Variants in PRTG observed in about 807,000 individuals in gnomAD.
The protein encoded by PRTG is protogenin, also known as immunoglobulin superfamily, DCC subclass, member 5.
A neutral mutation model predicts 122.5 loss-of-function variants in PRTG; 67 were observed. That is an observed-to-expected ratio of 0.55 (90% CI 0.45 to 0.67). The LOEUF is 0.67. Among genes scored for constraint, PRTG ranks in the 30% least tolerant of loss-of-function variants. The probability of loss-of-function intolerance (pLI) is 0.00; values close to 1 mark genes in which losing one functional copy is unlikely to be tolerated. For synonymous variants in PRTG, 554 were observed against 501.1 expected, an observed-to-expected ratio of 1.11 and a Z score of -1.41; for missense variants, 1,435 against 1,415.4, an observed-to-expected ratio of 1.01 and a Z score of -0.22.
intron 2 of PRTG, among the ~76,000 whole-genome samples, chr15:55,712,236 G>T (rs896540993): frequency 6.6e-6 from 1 of 152,216 alleles, no homozygotes; most frequent in Non-Finnish European, 1.5e-5. Flanking sequence ...GAGGGTTAAT[G>T]AATCAATTGC....
chr15:55,621,617 G>C (rs181339359), intron 18 of PRTG, among the ~76,000 whole-genome samples: 1 of 152,066 alleles, frequency 6.6e-6, no homozygotes, highest in Admixed American at 6.5e-5. Context: ...CTCCAGCCTG[G>C]GTAACATAGC....
At chr15:55,631,921 A>G (rs1036260854) in intron 15 of PRTG, among the ~76,000 whole-genome samples, 20 of 152,220 alleles carry the variant, frequency 1.3e-4, no homozygotes, top group Admixed American at 1.2e-3. Context: ...TGGAAGACAG[A>G]AAACTTTTTT....
chr15:55,727,723 C>A (rs563754008), intron 2 of PRTG, among the ~76,000 whole-genome samples: 1 of 152,032 alleles, frequency 6.6e-6, no homozygotes, highest in Non-Finnish European at 1.5e-5. Context: ...TTGAACCCAG[C>A]GGGCAGTGGT....
At chr15:55,687,792 A>C (rs1355135116) in intron 2 of PRTG, among the ~76,000 whole-genome samples, 1 of 152,240 alleles carries the variant, frequency 6.6e-6, no homozygotes, top group East Asian at 1.9e-4. Context: ...AATTCAATCC[A>C]CTGGCAAAAT....
chr15:55,708,056 C>T (rs1595667232), intron 2 of PRTG, among the ~76,000 whole-genome samples: 2 of 145,980 alleles, frequency 1.4e-5, no homozygotes, highest in South Asian at 4.3e-4. Context: ...ATGGACACTC[C>T]TTTACATGTT....
In PRTG at chr15:55,742,818, G is replaced by A. The variant is rs1300364884; in HGVS notation, c.94+20C>T. The A allele has an allele frequency of 3.9e-6, 6 of 1,540,730 alleles. No homozygotes were observed. The African/African-American group carries it at 4.2e-5, about 11-fold the overall frequency. On this transcript the variant is annotated intron_variant, in intron 1 of 19. Coordinates refer to ENST00000389286, the MANE Select transcript of PRTG (RefSeq NM_173814.6). ...TCCCGCCCCACAGCGGTAAGAGAAAGCAGAAGAAAGCGCGCCCACCTGGCA... is the reference window on the plus strand; with the variant it reads ...TCCCGCCCCACAGCGGTAAGAGAAAACAGAAGAAAGCGCGCCCACCTGGCA...
intron 2 of PRTG, among the ~76,000 whole-genome samples, chr15:55,685,678 T>G (rs977873227): frequency 1.3e-5 from 2 of 152,222 alleles, no homozygotes; most frequent in Admixed American, 1.3e-4. Flanking sequence ...ATGTGATGCA[T>G]AAATGTTTTC....
intron 2 of PRTG, among the ~76,000 whole-genome samples, chr15:55,688,689 C>T (rs886949018): frequency 3.3e-5 from 5 of 152,132 alleles, no homozygotes; most frequent in Admixed American, 3.3e-4. Context: ...CAAAAATTAG[C>T]TGGGCGTTGT....
chr15:55,675,669 C>T lies in PRTG; in HGVS notation c.1396G>A (p.Glu466Lys), dbSNP rs2059498736. The T allele has an allele frequency of 3.2e-6, 5 of 1,564,542 alleles. No homozygotes were observed. The highest frequency in any genetic ancestry group is 3.5e-6 in the Non-Finnish European group (4 of 1,140,196). The change falls in exon 9 of 20, where the codon GAG (glutamate) becomes AAG (lysine). Residue 466 changes from glutamate to lysine, a missense_variant. By Grantham distance (56) the Glu-to-Lys change is moderately conservative. Transcript: ENST00000389286. ...TCATTTCCGATGACTACTTGATACT[C>T]TTCATTATTTAAACCTAAATTAAAG... ...YMKAEGLNNE[E>K]YQVVIGNDTT...
rs575306346 is a variant in PRTG, at chr15:55,682,466, T to A, written c.574A>T (p.Ile192Phe). Residue 192 changes from isoleucine (I) to phenylalanine (F), a missense_variant, in exon 4 of 20, where the codon ATC becomes TTC. Coordinates refer to ENST00000389286, the MANE Select transcript of PRTG (RefSeq NM_173814.6). ...ITALPTGVLQ[I>F]YDVSQRDSGN... is the part of the protein sequence containing the mutation. ...GAATCCCTTTGGCTGACATCATAGA[T>A]CTGCAATACTCCTGTTGGTAGGGCA... 6.3e-7 allele frequency: 1 copy of A among 1,584,378 alleles called. No individual in the cohort carries two copies. The highest frequency in any genetic ancestry group is 1.4e-5 in the African/African-American group (1 of 73,946).
At chr15:55,699,299 T>G (rs902592873) in intron 2 of PRTG, among the ~76,000 whole-genome samples, 6 of 152,134 alleles carry the variant, frequency 3.9e-5, no homozygotes, top group Admixed American at 2.0e-4. Flanking sequence ...TCCCCCACCT[T>G]TCCACCTTCT....
chr15:55,680,157 C>A lies in PRTG; in HGVS notation c.870G>T (p.Met290Ile). Residue 290 changes from methionine (M) to isoleucine (I), a missense_variant, in exon 6 of 20, where the codon ATG becomes ATT. By Grantham distance (10) the Met-to-Ile change is conservative. Coordinates refer to ENST00000389286, the MANE Select transcript of PRTG (RefSeq NM_173814.6). ...NTRVLGNGNL[M>I]ISDVRLQHAG... is the part of the protein sequence containing the mutation. ...CATGTTGTAGCCTGACATCAGATAT[C>A]ATGAGATTACCATTTCCAAGTACCC... 1 of 1,612,208 alleles carries A rather than the reference C, an allele frequency of 6.2e-7. No individual in the cohort carries two copies. The highest frequency in any genetic ancestry group is 8.5e-7 in the Non-Finnish European group (1 of 1,178,346).
chr15:55,711,157 A>G (rs2030370631), intron 2 of PRTG, among the ~76,000 whole-genome samples: 1 of 147,346 alleles, frequency 6.8e-6, no homozygotes, highest in African/African-American at 2.6e-5. Context: ...CCTGACCTCA[A>G]GTGATCCACC....
intron 11 of PRTG, among the ~76,000 whole-genome samples, chr15:55,663,744 G>A (rs780079345): frequency 2.6e-5 from 4 of 152,028 alleles, no homozygotes; most frequent in Admixed American, 6.6e-5. Context: ...GTTTCACCAC[G>A]TTGGCCAGAC....
chr15:55,614,291 A>G lies in PRTG; in HGVS notation c.*5721T>C, dbSNP rs2059132990. Reference sequence around the variant, plus strand: ...ATCAAATTTCCTAGGAAATGTATATACATGCTGATGGCATAAGGAGAGGCT... The same window carrying G: ...ATCAAATTTCCTAGGAAATGTATATGCATGCTGATGGCATAAGGAGAGGCT... On this transcript the variant is annotated 3_prime_UTR_variant, in exon 20 of 20. Coordinates refer to ENST00000389286, the MANE Select transcript of PRTG (RefSeq NM_173814.6). 6.6e-6 allele frequency: 1 copy of G among 152,112 alleles called. No homozygotes were observed. The highest frequency in any genetic ancestry group is 1.5e-5 in the Non-Finnish European group (1 of 67,986). 9.4% of individuals were successfully genotyped at this position (152,112 alleles called of 1,614,324 possible).
intron 2 of PRTG, among the ~76,000 whole-genome samples, chr15:55,716,442 A>G (rs2030603586): frequency 6.6e-6 from 1 of 152,102 alleles, no homozygotes; most frequent in Non-Finnish European, 1.5e-5. Context: ...ATGTGACTGA[A>G]CTCTTGGTTA....
chr15:55,683,185 CT>C (rs542897986), intron 3 of PRTG, among the ~76,000 whole-genome samples: 1,807 of 145,934 alleles, frequency 0.012, 39 homozygotes, highest in African/African-American at 0.038. Context: ...TGTAGATATG[CT>C]TTTTTTTTTT....
chr15:55,653,778 T>G (rs1397023457), intron 11 of PRTG, among the ~76,000 whole-genome samples: 1 of 152,224 alleles, frequency 6.6e-6, no homozygotes, highest in Admixed American at 6.5e-5. Flanking sequence ...AATTTCTATG[T>G]TTAAAACCTC....
chr15:55,624,641 G>C, intron 17 of PRTG, 134 bp from the exon 18 acceptor site: 1 of 627,000 alleles, frequency 1.6e-6, no homozygotes. Flanking sequence ...TTTTAGAATC[G>C]AGTGTTAGAT....
Sources: allele counts gnomAD v4.1 joint callset (sites outside exome capture counted in the v4.1 genomes callset), GRCh38; gene constraint gnomAD v4.1.1; transcripts MANE v1.5; gene names NCBI Gene and HGNC (gene_info 2026-07-23, HGNC 2026-07-21).